The following ITGB5 variants were observed in gnomAD, a reference collection of about 807,000 sequenced individuals.
ITGB5 encodes the protein integrin beta-5.
Under a neutral mutation model 84.8 loss-of-function variants are expected in ITGB5, and 38 were observed. The observed-to-expected ratio is 0.45, with a 90% confidence interval of 0.35 to 0.59. The LOEUF (loss-of-function observed/expected upper bound fraction) is 0.59. Among genes scored for constraint, ITGB5 ranks in the 20% least tolerant of loss-of-function variants. The pLI is 0.01. For missense variants in ITGB5, 905 were observed against 1,034.5 expected, an observed-to-expected ratio of 0.87 and a Z score of 1.72; for synonymous variants, 393 against 414.4, an observed-to-expected ratio of 0.95 and a Z score of 0.63.
intron 5 of ITGB5, among the ~76,000 whole-genome samples, chr3:124,828,009 C>T (rs755079205): frequency 1.5e-4 from 22 of 150,678 alleles, no homozygotes; most frequent in Non-Finnish European, 2.8e-4. Flanking sequence ...CAGCTCCCTT[C>T]GCTGACTCTC....
intron 5 of ITGB5, among the ~76,000 whole-genome samples, chr3:124,836,815 T>A (rs972830944): frequency 6.6e-6 from 1 of 152,158 alleles, no homozygotes; most frequent in African/African-American, 2.4e-5. Context: ...GCCAAAAAAA[T>A]TTTATTCAAT....
At chr3:124,826,130 T>C (rs1212634422) in intron 5 of ITGB5, among the ~76,000 whole-genome samples, 1 of 152,174 alleles carries the variant, frequency 6.6e-6, no homozygotes, top group East Asian at 1.9e-4. Context: ...CATAATGTGG[T>C]TGTGGTTGGG....
chr3:124,781,199 G>A (rs1290585098), intron 10 of ITGB5: 2 of 152,192 alleles, frequency 1.3e-5, no homozygotes, highest in Non-Finnish European at 2.9e-5. Flanking sequence ...AGCCAGACCC[G>A]GGATGGGCTC....
In ITGB5 at chr3:124,819,797, G is replaced by A. The variant is rs2064671185; in HGVS notation, c.980C>T (p.Ala327Val). Reference protein sequence around the residue: ...PSLALLGEKLAENNINLIFAV... With the variant: ...PSLALLGEKLVENNINLIFAV... ...AAAGATGAGGTTGATGTTGTTCTCT[G>A]CCAATTTCTCTCCAAGCAAGGCAAG... The change falls in exon 7 of 15, where the codon GCA (alanine) becomes GTA (valine). Residue 327 changes from alanine to valine, a missense_variant. Physicochemically the swap from Ala to Val is moderately conservative, Grantham distance 64. Around this residue, in one of 3 missense-constraint regions of ITGB5, gnomAD observed 656 missense variants for 734.7 expected, o/e 0.89. Transcript: ENST00000296181. 6.2e-7 allele frequency: 1 copy of A among 1,613,958 alleles called. No individual in the cohort carries two copies. The highest frequency in any genetic ancestry group is 2.2e-5 in the East Asian group (1 of 44,880).
At chr3:124,895,143 C>T (rs1935077492) in intron 1 of ITGB5, among the ~76,000 whole-genome samples, 1 of 152,106 alleles carries the variant, frequency 6.6e-6, no homozygotes, top group South Asian at 2.1e-4. Context: ...GACAGAGATA[C>T]CTGAAGATGG....
intron 10 of ITGB5, among the ~76,000 whole-genome samples, chr3:124,775,428 T>C (rs2063912777): frequency 6.6e-6 from 1 of 151,938 alleles, no homozygotes; most frequent in Admixed American, 6.6e-5. Flanking sequence ...GTGTTTGTTC[T>C]GGAGTGTGAG....
At chr3:124,888,820 C>T (rs1356929069), upstream of ITGB5, among the ~76,000 whole-genome samples, 8 of 152,172 alleles carry the variant, frequency 5.3e-5, no homozygotes, top group Admixed American at 5.2e-4. Context: ...GGAAAACTGT[C>T]CTAACTGCCC....
intron 9 of ITGB5, among the ~76,000 whole-genome samples, chr3:124,804,549 A>AAAAAT (rs59075905): frequency 0.013 from 1,975 of 152,184 alleles, 30 homozygotes; most frequent in African/African-American, 0.044. Flanking sequence ...CCCTGTCTCT[A>AAAAAT]AAAATAAAAT....
intron 5 of ITGB5, among the ~76,000 whole-genome samples, chr3:124,837,581 G>A (rs2064952355): frequency 6.6e-6 from 1 of 152,208 alleles, no homozygotes; most frequent in South Asian, 2.1e-4. Flanking sequence ...TAGAAACAGG[G>A]TCCTTATCAT....
chr3:124,771,512 G>C (rs1440054839), intron 11 of ITGB5, among the ~76,000 whole-genome samples: 1 of 152,178 alleles, frequency 6.6e-6, no homozygotes, highest in Non-Finnish European at 1.5e-5. Flanking sequence ...ACTTTGGGAG[G>C]CTGAGGTGGG....
Position 124,859,274 on chromosome 3 carries a change from G to A in ITGB5, c.329C>T (p.Thr110Ile), listed in dbSNP as rs141786908. ...GAGGTTCACGGCAATCTCCTGTGGT[G>A]TCATCTGAATGACGTCCCAGCCTGC... ...GSAGWDVIQM[T>I]PQEIAVNLRP... is the part of the protein sequence containing the mutation. Residue 110 changes from threonine (T) to isoleucine (I), a missense_variant, in exon 3 of 15, where the codon ACA becomes ATA. Physicochemically the swap from Thr to Ile is moderately conservative, Grantham distance 89 (BLOSUM62 -1). Transcript: ENST00000296181. 1.4e-5 allele frequency: 22 copies of A among 1,614,126 alleles called. No homozygotes were observed. The African/African-American group carries it at 2.5e-4, about 19-fold the overall frequency.
chr3:124,844,861 C>G (rs2065056937), intron 4 of ITGB5, among the ~76,000 whole-genome samples: 1 of 152,182 alleles, frequency 6.6e-6, no homozygotes, highest in Non-Finnish European at 1.5e-5. Flanking sequence ...TAACTCCAGG[C>G]CTGAGCAATT....
At chr3:124,866,438 C>A (rs2065391446) in intron 2 of ITGB5, among the ~76,000 whole-genome samples, 1 of 152,196 alleles carries the variant, frequency 6.6e-6, no homozygotes, top group African/African-American at 2.4e-5. Context: ...CCTACCATTG[C>A]TGAAGGCTAA....
chr3:124,836,556 A>C (rs2064938324), intron 5 of ITGB5, among the ~76,000 whole-genome samples: 1 of 152,220 alleles, frequency 6.6e-6, no homozygotes, highest in Admixed American at 6.5e-5. Flanking sequence ...TGAGTAATAA[A>C]AAGGGCACAG....
intron 10 of ITGB5, among the ~76,000 whole-genome samples, chr3:124,793,749 A>G (rs1367111386): frequency 6.6e-6 from 1 of 152,212 alleles, no homozygotes; most frequent in Non-Finnish European, 1.5e-5. Flanking sequence ...AGCTAACACC[A>G]ACCTATCATC....
chr3:124,867,240 C>T (rs1378884458), intron 2 of ITGB5, among the ~76,000 whole-genome samples: 1 of 152,180 alleles, frequency 6.6e-6, no homozygotes, highest in African/African-American at 2.4e-5. Context: ...TCTCCCATGC[C>T]CGACCCCATT....
intron 9 of ITGB5, among the ~76,000 whole-genome samples, chr3:124,805,107 T>C (rs1431061713): frequency 7.3e-6 from 1 of 136,168 alleles, no homozygotes; most frequent in African/African-American, 2.7e-5. Flanking sequence ...TCTCTCTCTC[T>C]CCTTCCTTTC....
intron 4 of ITGB5, among the ~76,000 whole-genome samples, chr3:124,843,901 C>T (rs2065042650): frequency 6.6e-6 from 1 of 152,036 alleles, no homozygotes; most frequent in Non-Finnish European, 1.5e-5. Context: ...AAGGGAGTGT[C>T]TGTATGTATA....
chr3:124,771,729 C>T (rs1314542960), intron 11 of ITGB5, among the ~76,000 whole-genome samples: 16 of 111,056 alleles, frequency 1.4e-4, no homozygotes, highest in African/African-American at 1.8e-4. Flanking sequence ...GCCTGGGTGG[C>T]GGGAGTGAGA....
Sources: gnomAD v4.1 joint callset for allele counts (sites outside exome capture counted in the v4.1 genomes callset) on GRCh38, gnomAD v4.1.1 for gene constraint, gnomAD v4.1.1 regional missense constraint, MANE v1.5 for transcripts, NCBI Gene and HGNC (gene_info 2026-07-23, HGNC 2026-07-21) for gene names.